RANGAP1: variants seen among roughly 807,000 people sequenced by gnomAD.
RANGAP1 encodes the protein Ran GTPase activating protein 1, also known as ran GTPase-activating protein 1.
Under a neutral mutation model 63.5 loss-of-function variants are expected in RANGAP1, and 38 were observed. That is an observed-to-expected ratio of 0.60 (90% CI 0.46 to 0.78). The LOEUF is 0.78. Among genes scored for constraint, RANGAP1 ranks in the 30% least tolerant of loss-of-function variants. The pLI, the probability that RANGAP1 is intolerant of heterozygous loss-of-function variation, is 0.00. For synonymous variants in RANGAP1, 329 were observed against 310.5 expected, an observed-to-expected ratio of 1.06 and a Z score of -0.63; for missense variants, 630 against 740.3, an observed-to-expected ratio of 0.85 and a Z score of 1.73.
chr22:41,257,958 G>A lies in RANGAP1; in HGVS notation c.764C>T (p.Ala255Val). Residue 255 changes from alanine (A) to valine (V), a missense_variant, in exon 7 of 16, where the codon GCC becomes GTC. Coordinates refer to ENST00000356244, the MANE Select transcript of RANGAP1 (RefSeq NM_002883.4). This position sits in a 1 kb window ranked among gnomAD's most constrained non-coding sequence, Gnocchi z 4.0. ...DNTFTEKGAV[A>V]MAETLKTLRQ... Reference sequence around the variant, plus strand: ...CCACACTCGCCTCACCTCGGCCATGGCCACGGCGCCCTTCTCAGTGAAGGT... The same window carrying A: ...CCACACTCGCCTCACCTCGGCCATGACCACGGCGCCCTTCTCAGTGAAGGT... 6.2e-7 allele frequency: 1 copy of A among 1,606,096 alleles called. No individual in the cohort carries two copies.
intron 1 of RANGAP1, among the ~76,000 whole-genome samples, chr22:41,282,939 C>T (rs1336250365): frequency 2.0e-5 from 3 of 152,144 alleles, no homozygotes; most frequent in African/African-American, 4.8e-5. Context: ...CCTACAACCT[C>T]CTCATTCTCA....
chr22:41,249,543 AC>A, intron 14 of RANGAP1, 92 bp from the exon 15 acceptor site: 1 of 1,579,830 alleles, frequency 6.3e-7, no homozygotes, highest in Non-Finnish European at 8.6e-7. Context: ...GATAGTGCCC[AC>A]AACTGAGTCT....
At chr22:41,252,842 A>G (rs760777057) in intron 12 of RANGAP1, 30 bp downstream of exon 12, 2 of 1,539,970 alleles carry the variant, frequency 1.3e-6, no homozygotes, top group Non-Finnish European at 1.7e-6. Flanking sequence ...CACAGCACGT[A>G]CAGCGTGGGG....
the RANGAP1 span, among the ~76,000 whole-genome samples, chr22:41,294,664 C>T: frequency 2.1e-5 from 3 of 142,144 alleles, no homozygotes; most frequent in Admixed American, 1.4e-4. Flanking sequence ...TCTGCCCGGC[C>T]GCCCATCGTC....
upstream of RANGAP1, among the ~76,000 whole-genome samples, chr22:41,288,804 G>T (rs1003619): frequency 1.3e-5 from 2 of 151,732 alleles, no homozygotes; most frequent in Admixed American, 6.6e-5. Flanking sequence ...GTGGGGCTTG[G>T]GGGGAGTTAG....
intron 6 of RANGAP1, 109 bp from the exon 7 acceptor site, chr22:41,258,215 A>G (rs939218497): frequency 1.5e-5 from 19 of 1,256,996 alleles, no homozygotes; most frequent in Non-Finnish European, 2.1e-5. Flanking sequence ...CCGCCAGCAC[A>G]GGGCAGGGGC....
Position 41,264,725 on chromosome 22 carries a change from G to T in RANGAP1, c.419C>A (p.Ala140Asp), listed in dbSNP as rs2034367393. 6.2e-7 allele frequency: 1 copy of T among 1,614,066 alleles called. No individual in the cohort carries two copies. The highest frequency in any genetic ancestry group is 8.5e-7 in the Non-Finnish European group (1 of 1,179,880). ...QGFEALLKSS[A>D]CFTLQELKLN... ...CTTGAGTTCCTGCAGGGTGAAGCAGGCTGAGCTCTTGAGCAGGGCCTCGAA... is the reference window on the plus strand; with the variant it reads ...CTTGAGTTCCTGCAGGGTGAAGCAGTCTGAGCTCTTGAGCAGGGCCTCGAA... The change falls in exon 5 of 16, where the codon GCC becomes GAC. Residue 140 changes from alanine (A) to aspartate (D), a missense_variant. Transcript: ENST00000356244.
chr22:41,299,871 C>T, the RANGAP1 span, among the ~76,000 whole-genome samples: 1 of 151,938 alleles, frequency 6.6e-6, no homozygotes, highest in African/African-American at 2.4e-5. Context: ...CCTGTCTCAG[C>T]CTCCTGTGTA....
intron 4 of RANGAP1, among the ~76,000 whole-genome samples, chr22:41,266,252 T>C (rs376695031): frequency 5.3e-5 from 8 of 150,788 alleles, no homozygotes; most frequent in Non-Finnish European, 1.2e-4. Context: ...AACTGACCTC[T>C]AGCTGCTCAA....
chr22:41,263,859 GGGCCTCACA>G (rs2145754666), intron 5 of RANGAP1, among the ~76,000 whole-genome samples: 1 of 152,350 alleles, frequency 6.6e-6, no homozygotes, highest in East Asian at 1.9e-4. Context: ...GGGGCTCCAT[GGGCCTCACA>G]GCACTAGCTA....
At chr22:41,253,197 A>G (rs1354104876) in intron 11 of RANGAP1, 3 of 499,768 alleles carry the variant, frequency 6.0e-6, no homozygotes, top group Non-Finnish European at 9.0e-6. Context: ...TTGGTCCAGG[A>G]GCCTTTGGGG....
At chr22:41,285,627 G>C in intron 1 of RANGAP1, 1 of 985,400 alleles carries the variant, frequency 1.0e-6, no homozygotes, top group African/African-American at 1.7e-5. Context: ...AGCGACGCGC[G>C]AATACAGGCC....
In RANGAP1 at chr22:41,257,719, A is replaced by G. The variant is rs2033925613; in HGVS notation, c.774+229T>C. ...CCGCTGGGGGCTGCAGAGGCGGCTC[A>G]GGAGAAGGTGGCATGAAGAATCAGA... On this transcript the variant is annotated intron_variant, in intron 7 of 15. Coordinates refer to ENST00000356244, the MANE Select transcript of RANGAP1 (RefSeq NM_002883.4). The surrounding 1 kb of genome is among the most constrained non-coding windows in gnomAD (Gnocchi z 4.0). 6.6e-6 allele frequency among the ~76,000 whole-genome samples: 1 copy of G among 152,268 alleles called. No homozygotes were observed.
At chr22:41,289,699 TTC>T (rs2035816136), upstream of RANGAP1, among the ~76,000 whole-genome samples, 1 of 152,194 alleles carries the variant, frequency 6.6e-6, no homozygotes. Flanking sequence ...TTCTCCAGCT[TTC>T]TCTCTTTCAA....
At chr22:41,278,068 G>A (rs1024941566) in intron 2 of RANGAP1, among the ~76,000 whole-genome samples, 2 of 142,988 alleles carry the variant, frequency 1.4e-5, no homozygotes, top group East Asian at 4.0e-4. Flanking sequence ...AGATAGTCTC[G>A]TTCTGTCACC....
Position 41,256,795 on chromosome 22 carries a change from C to T in RANGAP1, c.804G>A (p.Val268=). ...ETLKTLRQVE[V]INFGDCLVRS... ...GCACCAGGCAGTCCCCAAAATTAAT[C>T]ACCTCCACCTGCCGCAAGGTCTTCA... Residue 268 remains valine (V), a synonymous_variant, in exon 8 of 16, where the codon GTG becomes GTA. Transcript: ENST00000356244. The T allele has an allele frequency of 6.2e-7, 1 of 1,614,060 alleles. No individual in the cohort carries two copies. Among genetic ancestry groups the T allele is most frequent in the Middle Eastern group, 1.6e-4 (1 of 6,062 alleles).
chr22:41,250,777 A>G (rs1016520743), intron 13 of RANGAP1, among the ~76,000 whole-genome samples: 3 of 151,846 alleles, frequency 2.0e-5, no homozygotes, highest in African/African-American at 7.3e-5. Flanking sequence ...CTAACTGTAC[A>G]TGGCTGTGTG....
chr22:41,271,386 T>TAAAAAA lies in RANGAP1; in HGVS notation c.240+3208_240+3213dup, dbSNP rs35627809. On this transcript the variant is annotated intron_variant, in intron 3 of 15. Coordinates refer to ENST00000356244, the MANE Select transcript of RANGAP1 (RefSeq NM_002883.4). ...CTGGGCAATGGCGTGAAACTGTCTC[T>TAAAAAA]AAAAAAAAACAAAAAAAAAAAACAA... 2.6e-4 allele frequency among the ~76,000 whole-genome samples: 24 copies of TAAAAAA among 91,884 alleles called. 2 individuals are homozygous for TAAAAAA. Among genetic ancestry groups the TAAAAAA allele is most frequent in the South Asian group, 4.1e-4 (1 of 2,436 alleles). 60.3% of individuals were successfully genotyped at this position (91,884 alleles called of 152,430 possible). A position where few individuals can be genotyped will look rare whatever the true frequency, so the allele number is the denominator to read the frequency against.
chr22:41,249,475 G>A (rs562039111), intron 14 of RANGAP1, 24 bp from the exon 15 acceptor site: 27 of 1,595,228 alleles, frequency 1.7e-5, no homozygotes, highest in Middle Eastern at 1.7e-4. Flanking sequence ...AGCGAAAAGC[G>A]GGGTGAGCTT....
Sources: gnomAD v4.1 joint callset for allele counts (sites outside exome capture counted in the v4.1 genomes callset) on GRCh38, gnomAD v4.1.1 for gene constraint, Gnocchi (gnomAD v3.1) non-coding constraint, MANE v1.5 for transcripts, NCBI Gene and HGNC (gene_info 2026-07-23, HGNC 2026-07-21) for gene names.